HNF4A: variants seen among roughly 807,000 people sequenced by gnomAD.
The protein encoded by HNF4A is hepatocyte nuclear factor 4-alpha.
A neutral mutation model predicts 52.4 loss-of-function variants in HNF4A; 15 were observed. The observed-to-expected ratio is 0.29, with a 90% CI of 0.19 to 0.44. The LOEUF (loss-of-function observed/expected upper bound fraction) is 0.44. HNF4A is among the 20% of genes least tolerant of loss of function. The pLI is 1.00. For missense variants in HNF4A, 479 were observed against 647.2 expected (o/e 0.74, Z 2.82); for synonymous variants, 280 against 264.4 (o/e 1.06, Z -0.57).
At chr20:44,388,368 A>C (rs1268385003) in intron 1 of HNF4A, among the ~76,000 whole-genome samples, 1 of 99,290 alleles carries the variant, frequency 1.0e-5, no homozygotes, top group African/African-American at 6.5e-5. Flanking sequence ...AACCTTCCTC[A>C]AAGACCCCCC....
chr20:44,385,059 C>CTTTTTGTTTTTTTTTTTTTTTTTT (rs2063204036), intron 1 of HNF4A, among the ~76,000 whole-genome samples: 1 of 34,970 alleles, frequency 2.9e-5, no homozygotes, highest in African/African-American at 1.3e-4. Flanking sequence ...ACTCTGTGAT[C>CTTTTTGTTTTTTTTTTTTTTTTTT]TTTTTTTTTT....
intron 2 of HNF4A, among the ~76,000 whole-genome samples, chr20:44,407,110 C>T (rs1416880291): frequency 9.2e-5 from 14 of 152,142 alleles, no homozygotes; most frequent in Admixed American, 9.2e-4. Context: ...GTCAAGGTTC[C>T]CAACTCAGCT....
intron 8 of HNF4A, among the ~76,000 whole-genome samples, chr20:44,425,433 G>C (rs937286672): frequency 1.3e-5 from 2 of 152,328 alleles, no homozygotes; most frequent in East Asian, 3.9e-4. Context: ...CTATTTGGAG[G>C]AAGAGCCCAC....
rs1314115332 is a variant in HNF4A, at chr20:44,424,014, G to T, written c.893-4G>T. The T allele has an allele frequency of 2.5e-6, 4 of 1,612,494 alleles. No individual in the cohort carries two copies. The African/African-American group carries it at 5.3e-5, about 22-fold the overall frequency. On this transcript the variant is annotated splice_region_variant and splice_polypyrimidine_tract_variant and intron_variant, in intron 7 of 9. Transcript: ENST00000316099. ...CCTCCCTTGCCCACCCTCTTCCATTGTAGATGCCAAGGGGCTGAGCGATCC... is the reference window on the plus strand; with the variant it reads ...CCTCCCTTGCCCACCCTCTTCCATTTTAGATGCCAAGGGGCTGAGCGATCC...
intron 1 of HNF4A, among the ~76,000 whole-genome samples, chr20:44,382,645 A>G (rs1012166832): frequency 1.3e-5 from 2 of 152,236 alleles, no homozygotes; most frequent in Non-Finnish European, 2.9e-5. Flanking sequence ...CCTTAGGAGT[A>G]GAATGCCAAG....
chr20:44,416,552 C>T (rs2063667957), intron 5 of HNF4A, among the ~76,000 whole-genome samples: 1 of 152,260 alleles, frequency 6.6e-6, no homozygotes, highest in Non-Finnish European at 1.5e-5. Context: ...GGCCTCCCTC[C>T]ATACTGGTCA....
At chr20:44,399,230 G>C (rs2063380754), upstream of HNF4A, among the ~76,000 whole-genome samples, 1 of 152,182 alleles carries the variant, frequency 6.6e-6, no homozygotes, top group South Asian at 2.1e-4. Context: ...GTTGCAGGGG[G>C]CTGCCTCTTG....
intron 1 of HNF4A, chr20:44,402,622 G>T: frequency 7.3e-7 from 1 of 1,364,410 alleles, no homozygotes. Flanking sequence ...TATCTGGAGG[G>T]GTGGACAGTT....
chr20:44,402,217 G>C (rs143916671), intron 1 of HNF4A, among the ~76,000 whole-genome samples: 2 of 152,166 alleles, frequency 1.3e-5, no homozygotes, highest in Non-Finnish European at 2.9e-5. Context: ...GGAGTTGCCC[G>C]TGTTGATCTT....
At chr20:44,404,479 T>C (rs1277281390) in intron 1 of HNF4A, among the ~76,000 whole-genome samples, 1 of 152,050 alleles carries the variant, frequency 6.6e-6, no homozygotes, top group East Asian at 1.9e-4. Context: ...CACGTGTGTG[T>C]GTGTGTGTCT....
rs2063836446 is a variant in HNF4A, at chr20:44,428,338, C to T, written c.1133C>T (p.Ser378Phe). 6.2e-7 allele frequency: 1 copy of T among 1,613,810 alleles called. No individual in the cohort carries two copies. Among genetic ancestry groups the T allele is most frequent in the African/African-American group, 1.3e-5 (1 of 74,910 alleles). Reference sequence around the variant, plus strand: ...GATCGACCTTCTCTACCTGCAGGGTCCCCCAGCGATGCACCCCATGCCCAC... The same window carrying T: ...GATCGACCTTCTCTACCTGCAGGGTTCCCCAGCGATGCACCCCATGCCCAC... Residue 378 changes from serine to phenylalanine, a missense_variant, in exon 9 of 10, where the codon TCC becomes TTC. By Grantham distance (155) the Ser-to-Phe change is radical. Coordinates refer to ENST00000316099, the MANE Select transcript of HNF4A (RefSeq NM_000457.6).
chr20:44,416,294 A>G (rs2063663863), intron 5 of HNF4A, among the ~76,000 whole-genome samples: 1 of 152,180 alleles, frequency 6.6e-6, no homozygotes. Context: ...GGGCTTCCCA[A>G]TTTTGTTGAC....
chr20:44,425,681 A>ATC (rs1243772187), intron 8 of HNF4A, among the ~76,000 whole-genome samples: 16 of 119,704 alleles, frequency 1.3e-4, no homozygotes, highest in African/African-American at 4.9e-4. Flanking sequence ...TTGAGACGAG[A>ATC]TCTCTCTCTG....
chr20:44,402,732 A>T (rs2063429275), intron 1 of HNF4A: 1 of 744,476 alleles, frequency 1.3e-6, no homozygotes, highest in African/African-American at 1.8e-5. Flanking sequence ...GGGGGCAGGC[A>T]GCTGGCTGAG....
intron 8 of HNF4A, among the ~76,000 whole-genome samples, chr20:44,426,982 C>T (rs948541122): frequency 6.6e-6 from 1 of 152,198 alleles, no homozygotes; most frequent in Non-Finnish European, 1.5e-5. Context: ...GTTTCAGTGA[C>T]TGAAGATGAC....
At chr20:44,384,826 G>T (rs558621560) in intron 1 of HNF4A, among the ~76,000 whole-genome samples, 1 of 152,162 alleles carries the variant, frequency 6.6e-6, no homozygotes, top group Admixed American at 6.5e-5. Flanking sequence ...AGAGAGATAG[G>T]CTGAGTCATG....
rs557888367 is a variant in HNF4A at position 44,414,533 on chromosome 20, C to T, written c.519C>T (p.Asn173=). 25 of 1,614,222 alleles carry T rather than the reference C, an allele frequency of 1.5e-5. No homozygotes were observed. Among genetic ancestry groups the T allele is most frequent in the African/African-American group, 6.7e-5 (5 of 75,064 alleles). ...TCACCTCCCCCGTCTCCGGGATCAA[C>T]GGCGACATTCGGGCGAAGAAGATTG... The change falls in exon 5 of 10, where the codon AAC becomes AAT. Residue 173 remains asparagine, a synonymous_variant. Coordinates refer to ENST00000316099, the MANE Select transcript of HNF4A (RefSeq NM_000457.6).
intron 1 of HNF4A, among the ~76,000 whole-genome samples, chr20:44,404,409 C>T (rs897201026): frequency 1.3e-5 from 2 of 152,150 alleles, no homozygotes; most frequent in Non-Finnish European, 2.9e-5. Context: ...ATGGCCCTCT[C>T]TGGGTCTTAA....
upstream of HNF4A, among the ~76,000 whole-genome samples, chr20:44,396,508 A>G (rs372107537): frequency 3.0e-4 from 46 of 152,200 alleles, no homozygotes; most frequent in African/African-American, 1.1e-3. Context: ...GTCCTCTGCT[A>G]TCCCCTGGAA....
Sources: allele counts gnomAD v4.1 joint callset (sites outside exome capture counted in the v4.1 genomes callset), GRCh38; gene constraint gnomAD v4.1.1; transcripts MANE v1.5; gene names NCBI Gene and HGNC (gene_info 2026-07-23, HGNC 2026-07-21).